Variants in SLC39A8 observed in about 807,000 individuals in gnomAD.
SLC39A8 encodes the protein solute carrier family 39 member 8, also known as metal cation symporter ZIP8.
Under a neutral mutation model 40.4 loss-of-function variants are expected in SLC39A8, and 15 were observed. The ratio of observed to expected loss-of-function variants is 0.37; its 90% CI spans 0.25 to 0.57. The LOEUF (loss-of-function observed/expected upper bound fraction) is 0.57. Ranked by LOEUF, SLC39A8 falls within the 20% of genes least tolerant of loss-of-function variation. The pLI is 0.75. For synonymous variants in SLC39A8, 223 were observed against 221.6 expected (o/e 1.01, Z -0.06); for missense variants, 472 against 558.8 (o/e 0.84, Z 1.57).
intron 8 of SLC39A8, among the ~76,000 whole-genome samples, chr4:102,265,123 G>A (rs1732043588): frequency 6.6e-6 from 1 of 152,198 alleles, no homozygotes; most frequent in Non-Finnish European, 1.5e-5. Context: ...CTTTTGGCCT[G>A]CCTTGGGTTT....
chr4:102,301,630 C>T (rs1007338587), intron 6 of SLC39A8, among the ~76,000 whole-genome samples: 3 of 151,980 alleles, frequency 2.0e-5, no homozygotes, highest in Non-Finnish European at 4.4e-5. Context: ...TAAATGAAAG[C>T]ATTACTGTCA....
rs34007368 is a variant in SLC39A8, at chr4:102,272,436, G to GA, written c.841-4358dup. 6.9e-3 allele frequency among the ~76,000 whole-genome samples: 1,020 copies of GA among 147,762 alleles called. 9 individuals carry two copies. Among genetic ancestry groups the GA allele is most frequent in the African/African-American group, 0.024 (962 of 40,270 alleles). ...GGTGACAGAGTGAGACTCCATCTCA[G>GA]AAAAAAAAAAGAAAGAAAGAAAAAA... On this transcript the variant is annotated intron_variant, in intron 6 of 8. Coordinates refer to ENST00000356736, the MANE Select transcript of SLC39A8 (RefSeq NM_001135146.2).
At position 102,268,077 on chromosome 4, in the gene SLC39A8, A is replaced by T; in HGVS notation, c.843T>A (p.Asp281Glu). ...TACATGAACTTGGCTCTTTTTTTCC[A>T]TCCTAGCAGAAAATCAATTAAAATG... ...FDNVSVVSLQ[D>E]GKKEPSSCTC... The change falls in exon 7 of 9, where the codon GAT (aspartate) becomes GAA (glutamate). Residue 281 changes from aspartate to glutamate, a missense_variant and splice_region_variant. This residue lies in a region of SLC39A8 where 239 missense variants were observed against 317.9 expected (regional missense o/e 0.75). Coordinates refer to ENST00000356736, the MANE Select transcript of SLC39A8 (RefSeq NM_001135146.2). 1 of 1,614,070 alleles carries T rather than the reference A, an allele frequency of 6.2e-7. No individual in the cohort carries two copies. Among genetic ancestry groups the T allele is most frequent in the Non-Finnish European group, 8.5e-7 (1 of 1,179,970 alleles).
intron 2 of SLC39A8, among the ~76,000 whole-genome samples, chr4:102,322,001 A>G (rs1036839839): frequency 7.9e-5 from 12 of 152,222 alleles, no homozygotes; most frequent in Non-Finnish European, 1.6e-4. Context: ...AATTTGGTAG[A>G]TGTCTGTGGT....
chr4:102,328,167 G>C (rs1270417577), intron 2 of SLC39A8, among the ~76,000 whole-genome samples: 1 of 151,990 alleles, frequency 6.6e-6, no homozygotes, highest in Non-Finnish European at 1.5e-5. Flanking sequence ...GTGTGTAATT[G>C]GACCCATGGA....
At chr4:102,273,933 T>C (rs1244500037) in intron 6 of SLC39A8, among the ~76,000 whole-genome samples, 2 of 151,696 alleles carry the variant, frequency 1.3e-5, no homozygotes, top group African/African-American at 4.8e-5. Context: ...ACTCAAAAAC[T>C]CCATCTGAAG....
At chr4:102,274,066 C>T (rs1303767666) in intron 6 of SLC39A8, among the ~76,000 whole-genome samples, 2 of 152,118 alleles carry the variant, frequency 1.3e-5, no homozygotes. Context: ...CAACTCCTCA[C>T]CAGCAAGGGA....
At position 102,262,818 on chromosome 4, in the gene SLC39A8, G is replaced by C; in HGVS notation, c.*226C>G. The C allele has an allele frequency of 6.2e-6, 8 of 1,284,626 alleles. No individual in the cohort carries two copies. Among genetic ancestry groups the C allele is most frequent in the Non-Finnish European group, 7.9e-6 (8 of 1,015,838 alleles). The allele number at this position is 1,284,626 out of a possible 1,614,324, so 79.6% of individuals were successfully genotyped here. On this transcript the variant is annotated 3_prime_UTR_variant, in exon 9 of 9. Transcript: ENST00000356736. ...ACTGAAAAATAGGTATTTCCCAAAG[G>C]CTCCTATATACCAGGCATCTCAGAC... is the stretch of plus-strand genomic sequence containing the variant.
intron 6 of SLC39A8, among the ~76,000 whole-genome samples, chr4:102,274,116 A>G (rs1389767595): frequency 6.6e-6 from 1 of 152,242 alleles, no homozygotes; most frequent in African/African-American, 2.4e-5. Flanking sequence ...AATTGACAGA[A>G]GTAGGCTTCA....
downstream of SLC39A8, among the ~76,000 whole-genome samples, chr4:102,259,816 G>T (rs1731799252): frequency 6.6e-6 from 1 of 152,158 alleles, no homozygotes; most frequent in African/African-American, 2.4e-5. Context: ...GAAATAAGTG[G>T]TTTTTTAAAT....
chr4:102,310,727 C>T (rs1427555969), intron 3 of SLC39A8, among the ~76,000 whole-genome samples: 1 of 152,046 alleles, frequency 6.6e-6, no homozygotes, highest in African/African-American at 2.4e-5. Context: ...AACTGAAGCA[C>T]CAAAAGTATA....
At chr4:102,299,168 A>G (rs1341471841) in intron 6 of SLC39A8, among the ~76,000 whole-genome samples, 2 of 151,998 alleles carry the variant, frequency 1.3e-5, no homozygotes, top group African/African-American at 2.4e-5. Flanking sequence ...AGTGATAGCC[A>G]GTAATATTCT....
chr4:102,273,288 G>C (rs1049881706), intron 6 of SLC39A8, among the ~76,000 whole-genome samples: 3 of 152,188 alleles, frequency 2.0e-5, no homozygotes, highest in Admixed American at 6.5e-5. Context: ...ACTGAGGCTT[G>C]AGTAGGCAGT....
chr4:102,256,906 A>C (rs936649228), downstream of SLC39A8, among the ~76,000 whole-genome samples: 1 of 152,208 alleles, frequency 6.6e-6, no homozygotes, highest in Non-Finnish European at 1.5e-5. Context: ...GTGATGCTAC[A>C]TGAACGCAGG....
intron 3 of SLC39A8, among the ~76,000 whole-genome samples, chr4:102,310,379 A>C (rs1272939406): frequency 6.6e-6 from 1 of 152,122 alleles, no homozygotes; most frequent in African/African-American, 2.4e-5. Flanking sequence ...TACATCATAT[A>C]AACTGTGTGA....
chr4:102,288,611 A>G (rs144518173), intron 6 of SLC39A8, among the ~76,000 whole-genome samples: 54 of 152,278 alleles, frequency 3.5e-4, no homozygotes, highest in Middle Eastern at 3.4e-3. Context: ...TGTGAATGCA[A>G]AGGAGAACTT....
At chr4:102,338,345 C>T (rs1735769397) in intron 2 of SLC39A8, among the ~76,000 whole-genome samples, 1 of 152,010 alleles carries the variant, frequency 6.6e-6, no homozygotes, top group Admixed American at 6.5e-5. Flanking sequence ...CACCACTACT[C>T]CCGGCTAATT....
At chr4:102,265,577 C>T (rs963541356) in intron 8 of SLC39A8, among the ~76,000 whole-genome samples, 4 of 152,284 alleles carry the variant, frequency 2.6e-5, no homozygotes, top group African/African-American at 9.6e-5. Flanking sequence ...TTGCCAAAAA[C>T]TTTCAATGTG....
At chr4:102,320,179 A>ATGTG (rs1553916629) in intron 2 of SLC39A8, among the ~76,000 whole-genome samples, 3 of 99,802 alleles carry the variant, frequency 3.0e-5, no homozygotes, top group African/African-American at 9.6e-5. Context: ...ATATATATAT[A>ATGTG]TATATATATA....
Sources: gnomAD v4.1 joint callset for allele counts (sites outside exome capture counted in the v4.1 genomes callset) on GRCh38, gnomAD v4.1.1 for gene constraint, gnomAD v4.1.1 regional missense constraint, MANE v1.5 for transcripts, NCBI Gene and HGNC (gene_info 2026-07-23, HGNC 2026-07-21) for gene names.